Variants in HIP1 observed in about 807,000 individuals in gnomAD.
HIP1 encodes the protein huntingtin interacting protein 1.
HIP1 carries 65 observed loss-of-function variants against 147.6 expected under a neutral mutation model. The ratio of observed to expected loss-of-function variants is 0.44; its 90% CI spans 0.36 to 0.54. The LOEUF (loss-of-function observed/expected upper bound fraction) is 0.54, where lower values mean the gene tolerates loss of function less well. Among genes scored for constraint, HIP1 ranks in the 20% least tolerant of loss-of-function variants. The pLI, the probability that HIP1 is intolerant of heterozygous loss-of-function variation, is 0.00. For synonymous variants in HIP1, 479 were observed against 504.0 expected (o/e 0.95, Z 0.67); for missense variants, 1,061 against 1,299.6 (o/e 0.82, Z 2.82).
chr7:75,538,409 A>C (rs1794167255), intron 30 of HIP1, among the ~76,000 whole-genome samples, 185 bp from the exon 31 acceptor site: 1 of 152,056 alleles, frequency 6.6e-6, no homozygotes, highest in African/African-American at 2.4e-5. Flanking sequence ...GCCCAGAGTC[A>C]GTCAAGTCCA....
At chr7:75,648,103 G>A (rs555518433) in intron 1 of HIP1, among the ~76,000 whole-genome samples, 1 of 152,360 alleles carries the variant, frequency 6.6e-6, no homozygotes, top group South Asian at 2.1e-4. Flanking sequence ...AAAGCACTGG[G>A]CACTTCTTGG....
intron 1 of HIP1, among the ~76,000 whole-genome samples, chr7:75,706,473 C>CTTTTTTTTTTTT (rs139655610): frequency 7.2e-6 from 1 of 138,094 alleles, no homozygotes; most frequent in Non-Finnish European, 1.5e-5. Flanking sequence ...TATATATCTT[C>CTTTTTTTTTTTT]TTTTTTTTTA....
intron 1 of HIP1, among the ~76,000 whole-genome samples, chr7:75,620,004 C>G (rs1389649445): frequency 6.6e-6 from 1 of 152,214 alleles, no homozygotes; most frequent in Non-Finnish European, 1.5e-5. Flanking sequence ...TCCCTAAACT[C>G]AGGGAACAAC....
rs202215039 is a variant in HIP1 at position 75,541,901 on chromosome 7, T to C, written c.2952+18A>G. Reference sequence around the variant, plus strand: ...CTAGGCAATAGAGGCTATCTAGACTTACAGATGGAGCTCTCACCTGAGAAT... The same window carrying C: ...CTAGGCAATAGAGGCTATCTAGACTCACAGATGGAGCTCTCACCTGAGAAT... On this transcript the variant is annotated intron_variant, in intron 29 of 30. Coordinates refer to ENST00000336926, the MANE Select transcript of HIP1 (RefSeq NM_005338.7). 6.3e-7 allele frequency: 1 copy of C among 1,589,044 alleles called. No individual in the cohort carries two copies. Among genetic ancestry groups the C allele is most frequent in the African/African-American group, 1.3e-5 (1 of 74,534 alleles).
chr7:75,667,514 C>T (rs1371814882), intron 1 of HIP1, among the ~76,000 whole-genome samples: 1 of 152,190 alleles, frequency 6.6e-6, no homozygotes, highest in Non-Finnish European at 1.5e-5. Context: ...GAGGCAGGGT[C>T]TCCCTCTGTC....
intron 1 of HIP1, among the ~76,000 whole-genome samples, chr7:75,705,359 A>G (rs1363280972): frequency 6.8e-6 from 1 of 146,574 alleles, no homozygotes. Context: ...CAGGATCTCT[A>G]CCTTTTTTTT....
intron 2 of HIP1, 123 bp from the exon 3 acceptor site, chr7:75,592,637 AC>A: frequency 1.0e-6 from 1 of 975,526 alleles, no homozygotes; most frequent in Non-Finnish European, 1.5e-6. Context: ...TAGAGGCTGC[AC>A]CCAGCCACTG....
At chr7:75,661,297 G>A (rs1799304196) in intron 1 of HIP1, among the ~76,000 whole-genome samples, 1 of 149,142 alleles carries the variant, frequency 6.7e-6, no homozygotes, top group African/African-American at 2.5e-5. Flanking sequence ...AAAAGGCCAG[G>A]TACAATGGCT....
intron 23 of HIP1, 138 bp from the exon 24 acceptor site, chr7:75,547,951 T>C (rs1554491340): frequency 2.6e-6 from 2 of 771,380 alleles, no homozygotes; most frequent in Non-Finnish European, 4.6e-6. Context: ...GCCCACATTC[T>C]TGAGAGAGTC....
intron 24 of HIP1, 48 bp from the exon 25 acceptor site, chr7:75,547,080 C>A: frequency 2.4e-4 from 338 of 1,391,498 alleles, no homozygotes; most frequent in Non-Finnish European, 3.0e-4. Context: ...GATCCAAGAT[C>A]AATGAACACG....
chr7:75,636,876 C>G (rs1798443584), intron 1 of HIP1, among the ~76,000 whole-genome samples: 1 of 152,158 alleles, frequency 6.6e-6, no homozygotes, highest in African/African-American at 2.4e-5. Context: ...CCCCAAACAA[C>G]CATCTCGATG....
intron 1 of HIP1, among the ~76,000 whole-genome samples, chr7:75,680,247 T>C (rs774046396): frequency 3.0e-4 from 45 of 152,194 alleles, no homozygotes; most frequent in Non-Finnish European, 4.9e-4. Flanking sequence ...ATTCGCCATG[T>C]TGCCCAGGCT....
chr7:75,632,987 T>C (rs139998428), intron 1 of HIP1, among the ~76,000 whole-genome samples: 8 of 152,176 alleles, frequency 5.3e-5, no homozygotes, highest in African/African-American at 1.7e-4. Context: ...CAGGGAATAA[T>C]GCACACTGGG....
At chr7:75,549,052 C>T (rs782407279) in intron 22 of HIP1, 51 bp from the exon 23 acceptor site, 50 of 1,288,438 alleles carry the variant, frequency 3.9e-5, no homozygotes, top group Non-Finnish European at 5.7e-5. Context: ...CCTGTCTCTT[C>T]TCCTCTGCCA....
intron 1 of HIP1, among the ~76,000 whole-genome samples, chr7:75,731,733 G>A (rs1439476522): frequency 1.3e-5 from 2 of 152,078 alleles, no homozygotes; most frequent in African/African-American, 4.8e-5. Flanking sequence ...CAGGAAGCAG[G>A]CTTAGGGCCA....
chr7:75,697,454 T>G (rs565704130), intron 1 of HIP1, among the ~76,000 whole-genome samples: 1 of 151,538 alleles, frequency 6.6e-6, no homozygotes, highest in East Asian at 1.9e-4. Context: ...AATTTTTTAG[T>G]AAAAAAAAAT....
intron 1 of HIP1, among the ~76,000 whole-genome samples, chr7:75,725,970 A>G (rs1162815168): frequency 1.3e-5 from 2 of 151,534 alleles, no homozygotes; most frequent in African/African-American, 4.9e-5. Context: ...ACAGGCATGT[A>G]CCACCATGCC....
intron 1 of HIP1, among the ~76,000 whole-genome samples, chr7:75,672,555 G>A (rs192664562): frequency 8.6e-5 from 13 of 151,802 alleles, no homozygotes; most frequent in African/African-American, 2.2e-4. Context: ...CTCAAACTCC[G>A]GAGCTCCAGT....
intron 25 of HIP1, among the ~76,000 whole-genome samples, chr7:75,545,716 C>T (rs956153600): frequency 2.0e-5 from 3 of 152,004 alleles, no homozygotes; most frequent in African/African-American, 2.4e-5. Context: ...GAGGCCAAGG[C>T]GGGCAGATCA....
Sources: gnomAD v4.1 joint callset for allele counts (sites outside exome capture counted in the v4.1 genomes callset) on GRCh38, gnomAD v4.1.1 for gene constraint, MANE v1.5 for transcripts, NCBI Gene and HGNC (gene_info 2026-07-23, HGNC 2026-07-21) for gene names.